Variants in TMTC1 observed in about 807,000 individuals in gnomAD.
TMTC1 encodes transmembrane O-mannosyltransferase targeting cadherins 1, also known as protein O-mannosyl-transferase TMTC1.
In TMTC1, 73 loss-of-function variants were observed where a neutral mutation model predicts 104.8. The observed-to-expected ratio is 0.70, with a 90% confidence interval of 0.58 to 0.85. TMTC1 has a LOEUF of 0.85. Ranked by LOEUF, TMTC1 falls within the 40% of genes least tolerant of loss-of-function variation. The pLI, the probability that TMTC1 is intolerant of heterozygous loss-of-function variation, is 0.00. For missense variants in TMTC1, 1,035 were observed against 1,096.1 expected, an observed-to-expected ratio of 0.94 and a Z score of 0.79; for synonymous variants, 434 against 428.7, an observed-to-expected ratio of 1.01 and a Z score of -0.15.
intron 5 of TMTC1, among the ~76,000 whole-genome samples, chr12:29,726,565 T>C (rs1175005616): frequency 6.6e-6 from 1 of 152,158 alleles, no homozygotes; most frequent in Non-Finnish European, 1.5e-5. Context: ...ACTGCCTTTC[T>C]CCAGGAGGGC....
chr12:29,514,605 C>A lies in TMTC1; in HGVS notation c.2308-1G>T. The A allele has an allele frequency of 6.2e-7, 1 of 1,604,962 alleles. No homozygotes were observed. The highest frequency in any genetic ancestry group is 8.5e-7 in the Non-Finnish European group (1 of 1,177,770). On this transcript the variant is annotated splice_acceptor_variant, in intron 15 of 17. Coordinates refer to ENST00000539277, the MANE Select transcript of TMTC1 (RefSeq NM_001193451.2). LOFTEE classifies it high-confidence loss of function. Reference sequence around the variant, plus strand: ...GAGCCTTGTCTATAGCATCAAGTGCCTGCAGAGGTTGGAAATTAAGACAGA... The same window carrying A: ...GAGCCTTGTCTATAGCATCAAGTGCATGCAGAGGTTGGAAATTAAGACAGA...
At chr12:29,762,330 A>AT (rs1943370638) in intron 2 of TMTC1, among the ~76,000 whole-genome samples, 1 of 152,228 alleles carries the variant, frequency 6.6e-6, no homozygotes, top group Admixed American at 6.5e-5. Flanking sequence ...TGATATATAC[A>AT]TAAAGGGCCT....
At chr12:29,766,537 C>T (rs1943468445) in intron 2 of TMTC1, among the ~76,000 whole-genome samples, 1 of 152,138 alleles carries the variant, frequency 6.6e-6, no homozygotes, top group Non-Finnish European at 1.5e-5. Context: ...GAATGCCTTG[C>T]TGACACTGAT....
At chr12:29,710,945 A>AATATAT (rs543021612) in intron 5 of TMTC1, among the ~76,000 whole-genome samples, 41 of 17,942 alleles carry the variant, frequency 2.3e-3, no homozygotes, top group African/African-American at 3.0e-3. Flanking sequence ...ATAATATATA[A>AATATAT]ATATATATAT....
At chr12:29,660,803 C>A in intron 5 of TMTC1, 4 of 1,299,162 alleles carry the variant, frequency 3.1e-6, no homozygotes, top group East Asian at 2.8e-5. Context: ...TATATACTTA[C>A]ATAACTTAGG....
chr12:29,644,022 T>G (rs1939121020), intron 5 of TMTC1, among the ~76,000 whole-genome samples: 1 of 117,358 alleles, frequency 8.5e-6, no homozygotes, highest in South Asian at 2.4e-4. Flanking sequence ...ATATAATTTA[T>G]ATATAAATAT....
intron 6 of TMTC1, among the ~76,000 whole-genome samples, chr12:29,622,072 C>T (rs1170707613): frequency 6.6e-6 from 1 of 152,144 alleles, no homozygotes. Context: ...CAAACCCATA[C>T]CTATGAGGTG....
intron 6 of TMTC1, among the ~76,000 whole-genome samples, chr12:29,608,337 T>C (rs1290962665): frequency 6.6e-6 from 1 of 152,056 alleles, no homozygotes; most frequent in African/African-American, 2.4e-5. Flanking sequence ...TAACAAAATA[T>C]GAGGAGAAAA....
chr12:29,732,289 G>A (rs1020395152), intron 5 of TMTC1, among the ~76,000 whole-genome samples: 3 of 152,132 alleles, frequency 2.0e-5, no homozygotes. Flanking sequence ...CTGAGTGAGT[G>A]GAAAAGGTGA....
rs1445775664 is a variant in TMTC1 at position 29,511,984 on chromosome 12, CAGAG to C, written c.2508+55_2508+58del. On this transcript the variant is annotated intron_variant, in intron 17 of 17. Transcript: ENST00000539277. ...TTCCTCAATCCTTTAAGAAAGAAGA[CAGAG>C]AGAGAAAACACAGGGGGAAAGCCCG... is the stretch of plus-strand genomic sequence containing the variant. 21 of 1,448,154 alleles carry C rather than the reference CAGAG, an allele frequency of 1.5e-5. No individual in the cohort carries two copies. The East Asian group carries it at 3.4e-4, about 23-fold the overall frequency. The allele number at this position is 1,448,154 out of a possible 1,614,324, so 89.7% of individuals were successfully genotyped here.
At chr12:29,664,904 C>T (rs1328659883) in intron 5 of TMTC1, among the ~76,000 whole-genome samples, 1 of 152,154 alleles carries the variant, frequency 6.6e-6, no homozygotes, top group Non-Finnish European at 1.5e-5. Context: ...ACAACAAAAC[C>T]AGACCACTGA....
At chr12:29,543,776 T>C (rs531778553) in intron 10 of TMTC1, among the ~76,000 whole-genome samples, 13 of 152,298 alleles carry the variant, frequency 8.5e-5, no homozygotes, top group African/African-American at 2.2e-4. Flanking sequence ...TCAGATTATA[T>C]TCTATGTAGC....
Position 29,556,967 on chromosome 12 carries a change from G to A in TMTC1, c.1566C>T (p.Asn522=). The stretch of plus-strand genomic sequence containing the variant: ...CTGTGTCTCTCGTCAGTGTTCCAAG[G>A]TTGTTGAGCGCACTTGCATGGCGTG... The part of the protein sequence containing the change: ...LYPRHASALN[N]LGTLTRDTAE... Residue 522 remains asparagine, a synonymous_variant, in exon 10 of 18, where the codon AAC becomes AAT. Coordinates refer to ENST00000539277, the MANE Select transcript of TMTC1 (RefSeq NM_001193451.2). 6.2e-7 allele frequency: 1 copy of A among 1,614,156 alleles called. No homozygotes were observed. Among genetic ancestry groups the A allele is most frequent in the Non-Finnish European group, 8.5e-7 (1 of 1,180,020 alleles).
intron 6 of TMTC1, among the ~76,000 whole-genome samples, chr12:29,606,977 C>G (rs577840189): frequency 1.8e-4 from 27 of 152,082 alleles, no homozygotes; most frequent in South Asian, 4.2e-4. Flanking sequence ...CTTCCTGCCC[C>G]CCCCCCTCAC....
chr12:29,692,470 G>A (rs1233902975), intron 5 of TMTC1, among the ~76,000 whole-genome samples: 1 of 144,906 alleles, frequency 6.9e-6, no homozygotes, highest in Non-Finnish European at 1.5e-5. Flanking sequence ...ACGCACTAGA[G>A]TGGCCATAAT....
chr12:29,682,425 T>TAC (rs893022274), intron 5 of TMTC1, among the ~76,000 whole-genome samples: 8 of 152,102 alleles, frequency 5.3e-5, no homozygotes, highest in African/African-American at 1.9e-4. Flanking sequence ...CAAAAACCTG[T>TAC]ACATGAATGC....
chr12:29,586,297 C>A (rs1946132053), intron 7 of TMTC1, among the ~76,000 whole-genome samples: 1 of 152,064 alleles, frequency 6.6e-6, no homozygotes, highest in Admixed American at 6.5e-5. Flanking sequence ...TATCCTGAGA[C>A]TTTGCTGAAG....
chr12:29,656,319 G>GATATATAT lies in TMTC1; in HGVS notation c.939-22991_939-22984dup, dbSNP rs71045824. Among the ~76,000 whole-genome samples, 577 of 139,328 alleles carry GATATATAT rather than the reference G, an allele frequency of 4.1e-3. 5 individuals carry two copies. Among genetic ancestry groups the GATATATAT allele is most frequent in the Middle Eastern group, 7.7e-3 (2 of 260 alleles). The allele number at this position is 139,328 out of a possible 152,430, so 91.4% of individuals were successfully genotyped here. A position where few individuals can be genotyped will look rare whatever the true frequency, so the allele number is the denominator to read the frequency against. ...AACAAATGTCAGTGAAATTTCCCTG[G>GATATATAT]ATATATATATATATATATATACACA... On this transcript the variant is annotated intron_variant, in intron 5 of 17. Coordinates refer to ENST00000539277, the MANE Select transcript of TMTC1 (RefSeq NM_001193451.2).
Position 29,644,111 on chromosome 12 carries a change from A to ATGTGTG in TMTC1, c.939-10781_939-10776dup, listed in dbSNP as rs371107912. ...TATAAATATAAATATATAAATATAT[A>ATGTGTG]TGTGTGTGTGTGTGTGTGTGTGTGT... On this transcript the variant is annotated intron_variant, in intron 5 of 17. Transcript: ENST00000539277. Among the ~76,000 whole-genome samples the ATGTGTG allele has an allele frequency of 2.7e-3, 202 of 74,386 alleles. 4 individuals are homozygous for ATGTGTG. The highest frequency in any genetic ancestry group is 5.2e-3 in the Admixed American group (26 of 4,988). 48.8% of individuals were successfully genotyped at this position (74,386 alleles called of 152,430 possible).
Sources: gnomAD v4.1 joint callset for allele counts (sites outside exome capture counted in the v4.1 genomes callset) on GRCh38, gnomAD v4.1.1 for gene constraint, MANE v1.5 for transcripts, NCBI Gene and HGNC (gene_info 2026-07-23, HGNC 2026-07-21) for gene names.